CD8A: variants seen among roughly 807,000 people sequenced by gnomAD.
The protein encoded by CD8A is CD8 subunit alpha.
In CD8A, 25 loss-of-function variants were observed where a neutral mutation model predicts 24.2. The ratio of observed to expected loss-of-function variants is 1.03; its 90% CI spans 0.75 to 1.44. The LOEUF (loss-of-function observed/expected upper bound fraction) is 1.44, where lower values mean the gene tolerates loss of function less well. Among genes scored for constraint, CD8A ranks in the 40% most tolerant of loss-of-function variants. The pLI is 0.00. For synonymous variants in CD8A, 165 were observed against 149.9 expected (o/e 1.10, Z -0.74); for missense variants, 360 against 319.7 (o/e 1.13, Z -0.96).
upstream of CD8A, chr2:86,791,366 CA>C: frequency 2.7e-6 from 1 of 375,954 alleles, no homozygotes; most frequent in East Asian, 7.2e-5. Flanking sequence ...CTCGCTAGAG[CA>C]GCCCCAGTTT....
At chr2:86,803,715 C>G (rs1673749978) in intron 2 of CD8A, among the ~76,000 whole-genome samples, 1 of 152,202 alleles carries the variant, frequency 6.6e-6, no homozygotes, top group South Asian at 2.1e-4. Context: ...CCACACCTGG[C>G]TAATTGTATT....
In CD8A at chr2:86,788,556, G is replaced by T; in HGVS notation, c.630C>A (p.Asn210Lys). 6.2e-7 allele frequency: 1 copy of T among 1,613,220 alleles called. No homozygotes were observed. Among genetic ancestry groups the T allele is most frequent in the Non-Finnish European group, 8.5e-7 (1 of 1,179,458 alleles). ...GGGGACATTTGCAAACACGTCTTCG[G>T]TTCCCTGGATAAGGAAAAAGAAGGG... is the stretch of plus-strand genomic sequence containing the variant. ...LVITLYCNHR[N>K]RRRVCKCPRP... The change falls in exon 5 of 6, where the codon AAC becomes AAA. Residue 210 changes from asparagine (N) to lysine (K), a missense_variant. Coordinates refer to ENST00000283635, the MANE Select transcript of CD8A (RefSeq NM_001768.7).
At chr2:86,791,036 T>TG (rs1673285120), upstream of CD8A, 3 of 712,534 alleles carry the variant, frequency 4.2e-6, no homozygotes, top group Admixed American at 4.0e-5. Context: ...GCGAGGAGGC[T>TG]GGGGCCCGTG....
rs1273129180 is a variant in CD8A at position 86,784,848 on chromosome 2, C to A, written c.*1072G>T. 2.2e-6 allele frequency: 1 copy of A among 454,064 alleles called. No individual in the cohort carries two copies. Among genetic ancestry groups the A allele is most frequent in the Non-Finnish European group, 4.4e-6 (1 of 226,764 alleles). The allele number at this position is 454,064 out of a possible 1,614,324, so 28.1% of individuals were successfully genotyped here. ...CTCCAATGGGCAGGCATTGCTTGTA[C>A]CATACCTTAAGCAAGGAAGTGCATG... On this transcript the variant is annotated 3_prime_UTR_variant, in exon 6 of 6. Transcript: ENST00000283635.
At chr2:86,791,051 G>C (rs535787896), upstream of CD8A, 1 of 703,154 alleles carries the variant, frequency 1.4e-6, no homozygotes, top group South Asian at 1.5e-5. Context: ...CCCGTGAATA[G>C]GGCCGTCGAG....
chr2:86,785,408 T>G lies in CD8A; in HGVS notation c.*512A>C, dbSNP rs141539409. The G allele has an allele frequency of 7.5e-4, 341 of 454,672 alleles. 1 individual carries two copies. The highest frequency in any genetic ancestry group is 6.0e-3 in the African/African-American group (299 of 50,142). 28.2% of individuals were successfully genotyped at this position (454,672 alleles called of 1,614,324 possible). On this transcript the variant is annotated 3_prime_UTR_variant, in exon 6 of 6. Transcript: ENST00000283635. ...CAAGAAGTACTTGTTCCCTTGCCGT[T>G]GGAGACTCAAGCACCTCACCCTGAG...
At chr2:86,793,491 A>G (rs1673380089), upstream of CD8A, among the ~76,000 whole-genome samples, 1 of 152,204 alleles carries the variant, frequency 6.6e-6, no homozygotes, top group Non-Finnish European at 1.5e-5. Context: ...ACTCACATGA[A>G]TGAGGGAGAC....
intron 3 of CD8A, among the ~76,000 whole-genome samples, chr2:86,800,446 A>G (rs1673632834): frequency 1.4e-5 from 2 of 144,294 alleles, no homozygotes; most frequent in Admixed American, 6.9e-5. Context: ...TGGGCGACAG[A>G]AAAAAAAAAA....
chr2:86,786,744 G>A (rs1295575835), intron 5 of CD8A, among the ~76,000 whole-genome samples: 1 of 152,112 alleles, frequency 6.6e-6, no homozygotes, highest in Non-Finnish European at 1.5e-5. Flanking sequence ...AAACTGGCCG[G>A]GTGCGGTAGC....
chr2:86,801,917 C>A (rs934805979), intron 2 of CD8A, among the ~76,000 whole-genome samples: 7 of 152,094 alleles, frequency 4.6e-5, no homozygotes, highest in African/African-American at 1.7e-4. Flanking sequence ...AATTTTCCCC[C>A]AAAATTATGT....
At chr2:86,801,153 A>C (rs189860428) in intron 3 of CD8A, among the ~76,000 whole-genome samples, 151 of 152,284 alleles carry the variant, frequency 9.9e-4, no homozygotes, top group African/African-American at 3.5e-3. Flanking sequence ...TGAGGCAATA[A>C]ATTTCTTTTG....
intron 3 of CD8A, 21 bp downstream of exon 3, chr2:86,789,619 C>A: frequency 6.8e-7 from 1 of 1,476,450 alleles, no homozygotes; most frequent in South Asian, 1.3e-5. Flanking sequence ...CGCCCCCGCC[C>A]CGGGCCCCCG....
chr2:86,785,348 C>T lies in CD8A; in HGVS notation c.*572G>A, dbSNP rs1558732596. 2 of 454,148 alleles carry T rather than the reference C, an allele frequency of 4.4e-6. No individual in the cohort carries two copies. The highest frequency in any genetic ancestry group is 8.8e-6 in the Non-Finnish European group (2 of 226,824). The allele number at this position is 454,148 out of a possible 1,614,324, so 28.1% of individuals were successfully genotyped here. Reference sequence around the variant, plus strand: ...GGCAGTTCTCTTCTTTAATTCATTACCTCCTCGAGGCTCTGGGCACAGTAT... The same window carrying T: ...GGCAGTTCTCTTCTTTAATTCATTATCTCCTCGAGGCTCTGGGCACAGTAT... On this transcript the variant is annotated 3_prime_UTR_variant, in exon 6 of 6. Transcript: ENST00000283635.
At chr2:86,805,176 G>C (rs1026860712) in intron 2 of CD8A, among the ~76,000 whole-genome samples, 1 of 152,000 alleles carries the variant, frequency 6.6e-6, no homozygotes, top group Non-Finnish European at 1.5e-5. Context: ...AAAGGAAAAA[G>C]GTTTAATGAC....
At chr2:86,796,813 C>T (rs1001896711) in intron 3 of CD8A, among the ~76,000 whole-genome samples, 3 of 152,176 alleles carry the variant, frequency 2.0e-5, no homozygotes, top group South Asian at 2.1e-4. Flanking sequence ...AACAATAAGA[C>T]GTCAGACTCT....
chr2:86,789,482 C>T, intron 3 of CD8A, 49 bp from the exon 4 acceptor site: 1 of 1,462,166 alleles, frequency 6.8e-7, no homozygotes, highest in South Asian at 1.1e-5. Flanking sequence ...CGGGACCTCC[C>T]AACCGCCCCA....
chr2:86,785,520 C>A lies in CD8A; in HGVS notation c.*400G>T, dbSNP rs1318922876. On this transcript the variant is annotated 3_prime_UTR_variant, in exon 6 of 6. Transcript: ENST00000283635. ...AAGGTCCCTCCAGCTACTGCTCCAA[C>A]CCTGACTTGCTGTGTGCCTTTGATC... 1.3e-5 allele frequency: 6 copies of A among 467,272 alleles called. No individual in the cohort carries two copies. In the East Asian group the frequency reaches 3.9e-4, roughly 31 times the overall value. The allele number at this position is 467,272 out of a possible 1,614,324, so 28.9% of individuals were successfully genotyped here.
rs768366597 is a variant in CD8A at position 86,789,379 on chromosome 2, G to T, written c.569C>A (p.Ala190Asp). Reference sequence around the variant, plus strand: ...CAGGAGAAGGACCCCACAAGTCCCGGCCAAGGGCGCCCAGATGTAGATATC... The same window carrying T: ...CAGGAGAAGGACCCCACAAGTCCCGTCCAAGGGCGCCCAGATGTAGATATC... ...ACDIYIWAPL[A>D]GTCGVLLLSL... The change falls in exon 4 of 6, where the codon GCC becomes GAC. Residue 190 changes from alanine to aspartate, a missense_variant. Coordinates refer to ENST00000283635, the MANE Select transcript of CD8A (RefSeq NM_001768.7). The T allele has an allele frequency of 1.2e-6, 2 of 1,613,866 alleles. No homozygotes were observed. Among genetic ancestry groups the T allele is most frequent in the Non-Finnish European group, 1.7e-6 (2 of 1,179,864 alleles).
chr2:86,805,440 C>T (rs1164512396), intron 2 of CD8A, among the ~76,000 whole-genome samples: 2 of 152,230 alleles, frequency 1.3e-5, no homozygotes, highest in Non-Finnish European at 2.9e-5. Flanking sequence ...AGTCCACACT[C>T]ACACCAGCTG....
Sources: gnomAD v4.1 joint callset for allele counts (sites outside exome capture counted in the v4.1 genomes callset) on GRCh38, gnomAD v4.1.1 for gene constraint, MANE v1.5 for transcripts, NCBI Gene and HGNC (gene_info 2026-07-23, HGNC 2026-07-21) for gene names.